The following NKAIN3 variants were observed in gnomAD, a reference collection of about 807,000 sequenced individuals.
The protein encoded by NKAIN3 is sodium/potassium transporting ATPase interacting 3.
In NKAIN3, 25 loss-of-function variants were observed where a neutral mutation model predicts 30.2. The observed-to-expected ratio is 0.83, with a 90% CI of 0.60 to 1.16. NKAIN3 has a LOEUF of 1.16. Ranked by LOEUF, NKAIN3 falls within the 50% of genes most tolerant of loss-of-function variation. The probability of loss-of-function intolerance (pLI) is 0.00; values close to 1 mark genes in which losing one functional copy is unlikely to be tolerated. For synonymous variants in NKAIN3, 91 were observed against 89.6 expected, an observed-to-expected ratio of 1.02 and a Z score of -0.09; for missense variants, 225 against 254.1, an observed-to-expected ratio of 0.89 and a Z score of 0.78.
chr8:62,664,535 C>G (rs1265015935), intron 3 of NKAIN3, among the ~76,000 whole-genome samples: 1 of 152,004 alleles, frequency 6.6e-6, no homozygotes. Context: ...TAGTGGATTC[C>G]TCTCTCATTT....
intron 4 of NKAIN3, among the ~76,000 whole-genome samples, chr8:62,821,944 C>T (rs1383154): frequency 0.26 from 38,795 of 151,794 alleles, 5,133 homozygotes; most frequent in East Asian, 0.37. Context: ...CTGTACTTTT[C>T]GATGCAATGT....
chr8:62,398,537 T>C (rs1817837284), intron 1 of NKAIN3, among the ~76,000 whole-genome samples: 1 of 152,222 alleles, frequency 6.6e-6, no homozygotes, highest in African/African-American at 2.4e-5. Context: ...TGGTATGGCA[T>C]GACTGAAAGT....
chr8:62,936,507 C>T (rs1822794254), intron 5 of NKAIN3, among the ~76,000 whole-genome samples: 2 of 152,114 alleles, frequency 1.3e-5, no homozygotes, highest in African/African-American at 4.8e-5. Flanking sequence ...GAACCATATA[C>T]AGAAGGAAAT....
rs116708847 is a variant in NKAIN3, at chr8:62,781,317, G to A, written c.471+34188G>A. On this transcript the variant is annotated intron_variant, in intron 4 of 6. Coordinates refer to ENST00000623646, the MANE Select transcript of NKAIN3 (RefSeq NM_001304533.3). ...AATGGAAGGACATTTTATGCTTGTG[G>A]GTTGGAAGAATTTATATCATTAATC... Among the ~76,000 whole-genome samples the A allele has an allele frequency of 1.5e-3, 225 of 151,896 alleles. 1 individual carries two copies. The highest frequency in any genetic ancestry group is 5.2e-3 in the African/African-American group (217 of 41,478).
intron 1 of NKAIN3, among the ~76,000 whole-genome samples, chr8:62,395,266 C>G (rs1817715532): frequency 6.8e-6 from 1 of 146,654 alleles, no homozygotes. Flanking sequence ...CTCCTCACTT[C>G]CCAGACATTG....
chr8:62,863,624 A>T, intron 4 of NKAIN3: 1 of 1,202,102 alleles, frequency 8.3e-7, no homozygotes, highest in Non-Finnish European at 1.2e-6. Context: ...CTGGATCACC[A>T]TGTCTTTGTT....
intron 2 of NKAIN3, among the ~76,000 whole-genome samples, chr8:62,584,336 G>A (rs1053006258): frequency 1.3e-5 from 2 of 152,300 alleles, no homozygotes; most frequent in African/African-American, 4.8e-5. Flanking sequence ...TGTTCACTGA[G>A]ACAATTTAAT....
intron 2 of NKAIN3, among the ~76,000 whole-genome samples, 170 bp from the exon 3 acceptor site, chr8:62,589,544 A>G (rs1249030877): frequency 6.6e-6 from 1 of 151,602 alleles, no homozygotes; most frequent in Non-Finnish European, 1.5e-5. Context: ...TTGAATTTTT[A>G]ATTTCTGGAA....
chr8:62,368,812 AC>A (rs1305823381), intron 1 of NKAIN3, among the ~76,000 whole-genome samples: 3 of 111,420 alleles, frequency 2.7e-5, no homozygotes, highest in Non-Finnish European at 6.1e-5. Flanking sequence ...TTCTTTAAAA[AC>A]TTTTTCTTGT....
At chr8:62,446,524 T>A (rs529800009) in intron 1 of NKAIN3, among the ~76,000 whole-genome samples, 15 of 152,240 alleles carry the variant, frequency 9.9e-5, no homozygotes, top group African/African-American at 3.6e-4. Context: ...TGGCACTAAA[T>A]ACATTCACAT....
intron 1 of NKAIN3, among the ~76,000 whole-genome samples, chr8:62,529,111 G>T (rs559392781): frequency 1.3e-5 from 2 of 152,034 alleles, no homozygotes; most frequent in African/African-American, 4.8e-5. Context: ...GAACACACTC[G>T]CATGGGCATA....
intron 3 of NKAIN3, among the ~76,000 whole-genome samples, chr8:62,703,379 T>G (rs1167868001): frequency 3.3e-5 from 5 of 152,236 alleles, no homozygotes; most frequent in Non-Finnish European, 7.3e-5. Flanking sequence ...AGATAATTAT[T>G]AAAGCTAGGC....
chr8:62,629,203 A>G (rs980898062), intron 3 of NKAIN3, among the ~76,000 whole-genome samples: 21 of 152,224 alleles, frequency 1.4e-4, no homozygotes, highest in African/African-American at 5.1e-4. Flanking sequence ...ACTCTGTGCC[A>G]GGCTTTGTTT....
chr8:62,833,488 T>C (rs548683915), intron 4 of NKAIN3, among the ~76,000 whole-genome samples: 9 of 151,854 alleles, frequency 5.9e-5, no homozygotes, highest in African/African-American at 2.2e-4. Context: ...AATGACAAAG[T>C]TGACATTACA....
intron 3 of NKAIN3, among the ~76,000 whole-genome samples, chr8:62,595,210 G>A (rs1419714399): frequency 6.6e-6 from 1 of 151,832 alleles, no homozygotes; most frequent in African/African-American, 2.4e-5. Context: ...CATCAATCAT[G>A]AATAGTTATT....
intron 4 of NKAIN3, among the ~76,000 whole-genome samples, chr8:62,749,039 A>C (rs905248393): frequency 1.1e-4 from 16 of 152,160 alleles, no homozygotes; most frequent in Non-Finnish European, 1.5e-5. Flanking sequence ...AAAGAACTCT[A>C]TTATCCTATA....
intron 4 of NKAIN3, among the ~76,000 whole-genome samples, chr8:62,914,174 C>G (rs536074906): frequency 6.6e-6 from 1 of 152,064 alleles, no homozygotes; most frequent in Non-Finnish European, 1.5e-5. Context: ...TAAAAAATAA[C>G]GAAATCGTAT....
At chr8:62,485,781 G>A (rs1806880986) in intron 1 of NKAIN3, among the ~76,000 whole-genome samples, 2 of 152,280 alleles carry the variant, frequency 1.3e-5, no homozygotes, top group Non-Finnish European at 2.9e-5. Context: ...AGAGAAGAGG[G>A]AATGGATTTG....
intron 2 of NKAIN3, among the ~76,000 whole-genome samples, chr8:62,585,002 CAAT>C (rs1810426240): frequency 6.6e-6 from 1 of 152,116 alleles, no homozygotes; most frequent in Non-Finnish European, 1.5e-5. Flanking sequence ...ATTGGGCAAA[CAAT>C]AAATAAATCA....
Sources: gnomAD v4.1 joint callset for allele counts (sites outside exome capture counted in the v4.1 genomes callset) on GRCh38, gnomAD v4.1.1 for gene constraint, MANE v1.5 for transcripts, NCBI Gene and HGNC (gene_info 2026-07-23, HGNC 2026-07-21) for gene names.